TMED3: variants seen among roughly 807,000 people sequenced by gnomAD.
TMED3 encodes transmembrane emp24 domain-containing protein 3.
Under a neutral mutation model 15.0 loss-of-function variants are expected in TMED3, and 9 were observed. The observed-to-expected ratio is 0.60, with a 90% CI of 0.36 to 1.04. The LOEUF is 1.04. Among genes scored for constraint, TMED3 ranks in the 50% least tolerant of loss-of-function variants. The pLI is 0.01. For missense variants in TMED3, 267 were observed against 278.9 expected (o/e 0.96, Z 0.30); for synonymous variants, 117 against 121.4 (o/e 0.96, Z 0.24).
intron 2 of TMED3, among the ~76,000 whole-genome samples, chr15:79,380,255 G>C (rs1893498783): frequency 6.6e-6 from 1 of 151,832 alleles, no homozygotes; most frequent in Non-Finnish European, 1.5e-5. Flanking sequence ...GGAGGCTGAG[G>C]CAGGAGAATC....
At chr15:79,387,688 T>C (rs575354519) in intron 2 of TMED3, among the ~76,000 whole-genome samples, 5 of 152,274 alleles carry the variant, frequency 3.3e-5, no homozygotes, top group South Asian at 2.1e-4. Context: ...CATAGGTTGA[T>C]TGGGGGAGAA....
chr15:79,352,897 A>T (rs2141235053), intron 2 of TMED3, among the ~76,000 whole-genome samples: 1 of 105,258 alleles, frequency 9.5e-6, no homozygotes, highest in Non-Finnish European at 1.9e-5. Flanking sequence ...AATATATATA[A>T]AATATACATA....
intron 1 of TMED3, among the ~76,000 whole-genome samples, chr15:79,313,373 C>G (rs773302372): frequency 6.6e-6 from 1 of 152,146 alleles, no homozygotes; most frequent in Non-Finnish European, 1.5e-5. Context: ...TGTTTAGGCA[C>G]TGGAACCAAA....
chr15:79,386,905 TTTTC>T (rs1205250037), intron 2 of TMED3, among the ~76,000 whole-genome samples: 26 of 151,590 alleles, frequency 1.7e-4, no homozygotes, highest in African/African-American at 2.2e-4. Context: ...AACACTTTTC[TTTTC>T]TTTCTTTCTT....
At chr15:79,413,426 C>T (rs1365770727) in exon 3 of TMED3, 1 of 152,170 alleles carries the variant, frequency 6.6e-6, no homozygotes, top group African/African-American at 2.4e-5. Context: ...AGGGGTTGCT[C>T]CTCCATGGAA....
chr15:79,377,268 G>A (rs895131663), intron 2 of TMED3, among the ~76,000 whole-genome samples: 2 of 103,794 alleles, frequency 1.9e-5, no homozygotes. Flanking sequence ...GAGAGTGTGT[G>A]CATGTGTGTG....
intron 2 of TMED3, among the ~76,000 whole-genome samples, chr15:79,369,421 G>A (rs536859406): frequency 7.9e-5 from 12 of 152,286 alleles, no homozygotes; most frequent in African/African-American, 2.2e-4. Flanking sequence ...CACCTTGCTG[G>A]CTTCCTCCCC....
chr15:79,312,639 C>G (rs575990712), intron 1 of TMED3, among the ~76,000 whole-genome samples: 1 of 152,260 alleles, frequency 6.6e-6, no homozygotes, highest in South Asian at 2.1e-4. Flanking sequence ...TAGCCATTGC[C>G]TACCTGTGAG....
chr15:79,348,451 T>C (rs556287167), intron 2 of TMED3, among the ~76,000 whole-genome samples: 1 of 152,314 alleles, frequency 6.6e-6, no homozygotes, highest in South Asian at 2.1e-4. Flanking sequence ...AGAATGCTGA[T>C]GGAAATGCTC....
At chr15:79,387,617 CACAT>C (rs896114895) in intron 2 of TMED3, among the ~76,000 whole-genome samples, 54 of 146,116 alleles carry the variant, frequency 3.7e-4, no homozygotes, top group Admixed American at 1.2e-3. Flanking sequence ...CACACACACA[CACAT>C]ACACACACAC....
At chr15:79,353,003 A>AATATATATTATATAAAATAT (rs1261244343) in intron 2 of TMED3, among the ~76,000 whole-genome samples, 25 of 111,696 alleles carry the variant, frequency 2.2e-4, no homozygotes, top group South Asian at 9.4e-4. Flanking sequence ...TGTTATATAA[A>AATATATATTATATAAAATAT]ATATATATTA....
chr15:79,350,669 TA>T (rs1207267642), intron 2 of TMED3, among the ~76,000 whole-genome samples: 1 of 152,178 alleles, frequency 6.6e-6, no homozygotes, highest in Non-Finnish European at 1.5e-5. Context: ...ACTCAAATGT[TA>T]ATCTCCTTTG....
chr15:79,411,422 A>C, exon 3 of TMED3: 1 of 702,520 alleles, frequency 1.4e-6, no homozygotes, highest in Middle Eastern at 2.3e-4. Context: ...GCTTATTGGA[A>C]GGAGGTGGAC....
At chr15:79,334,815 A>C (rs2058821672) in intron 2 of TMED3, among the ~76,000 whole-genome samples, 1 of 152,270 alleles carries the variant, frequency 6.6e-6, no homozygotes, top group African/African-American at 2.4e-5. Context: ...AAAGGCAACA[A>C]GACTTCAGAG....
intron 2 of TMED3, among the ~76,000 whole-genome samples, chr15:79,354,259 G>A (rs933212389): frequency 2.0e-5 from 3 of 152,116 alleles, no homozygotes; most frequent in African/African-American, 7.2e-5. Flanking sequence ...TGTGGGGTGA[G>A]GAGGGGAGTA....
chr15:79,328,126 A>C (rs1025964406), intron 2 of TMED3, among the ~76,000 whole-genome samples: 1 of 152,174 alleles, frequency 6.6e-6, no homozygotes, highest in African/African-American at 2.4e-5. Flanking sequence ...ACTTTGATTC[A>C]ACAGTGGTTT....
At chr15:79,368,317 A>T (rs1332553963) in intron 2 of TMED3, among the ~76,000 whole-genome samples, 1 of 151,988 alleles carries the variant, frequency 6.6e-6, no homozygotes, top group Non-Finnish European at 1.5e-5. Flanking sequence ...TTCCCAATGG[A>T]TGGTCAGAAT....
chr15:79,339,822 G>T (rs1162168078), intron 2 of TMED3, among the ~76,000 whole-genome samples: 1 of 151,942 alleles, frequency 6.6e-6, no homozygotes, highest in Non-Finnish European at 1.5e-5. Context: ...TGTGATGGTA[G>T]TGGTGATGGT....
intron 2 of TMED3, among the ~76,000 whole-genome samples, chr15:79,320,642 T>C (rs1290666904): frequency 6.6e-6 from 1 of 152,180 alleles, no homozygotes; most frequent in African/African-American, 2.4e-5. Flanking sequence ...ACTGATAGGA[T>C]AGAATTTTCT....
Sources: allele counts gnomAD v4.1 joint callset (sites outside exome capture counted in the v4.1 genomes callset), GRCh38; gene constraint gnomAD v4.1.1; transcripts MANE v1.5; gene names NCBI Gene and HGNC (gene_info 2026-07-23, HGNC 2026-07-21).